KAT6B: variants seen among roughly 807,000 people sequenced by gnomAD.
KAT6B encodes the protein histone acetyltransferase KAT6B.
A neutral mutation model predicts 187.5 loss-of-function variants in KAT6B; 10 were observed. That is an observed-to-expected ratio of 0.05 (90% CI 0.03 to 0.09). The LOEUF (loss-of-function observed/expected upper bound fraction) is 0.09, where lower values mean the gene tolerates loss of function less well. KAT6B is among the 10% of genes least tolerant of loss of function. The probability of loss-of-function intolerance (pLI) is 1.00; values close to 1 mark genes in which losing one functional copy is unlikely to be tolerated. For missense variants in KAT6B, 1,952 were observed against 2,558.9 expected, an observed-to-expected ratio of 0.76 and a Z score of 5.12; for synonymous variants, 861 against 926.8, an observed-to-expected ratio of 0.93 and a Z score of 1.29.
chr10:74,994,773 G>A (rs530189945), intron 13 of KAT6B, among the ~76,000 whole-genome samples: 7 of 150,756 alleles, frequency 4.6e-5, no homozygotes, highest in African/African-American at 1.7e-4. Context: ...CTGCACTCCA[G>A]TCTGGGTGAA....
At chr10:74,910,905 A>T (rs1304906222) in intron 3 of KAT6B, among the ~76,000 whole-genome samples, 1 of 152,040 alleles carries the variant, frequency 6.6e-6, no homozygotes, top group African/African-American at 2.4e-5. Flanking sequence ...AATCTAGTCT[A>T]CCCTTGCCAT....
chr10:74,906,931 C>T (rs992246482), intron 3 of KAT6B, among the ~76,000 whole-genome samples: 1 of 152,194 alleles, frequency 6.6e-6, no homozygotes, highest in African/African-American at 2.4e-5. Context: ...TCCCCACATG[C>T]CAGTGACTGC....
chr10:74,889,994 G>A (rs1272291027), intron 3 of KAT6B, among the ~76,000 whole-genome samples: 1 of 152,090 alleles, frequency 6.6e-6, no homozygotes, highest in Admixed American at 6.5e-5. Flanking sequence ...TGGCCAAGAT[G>A]CCATTTGAGC....
chr10:74,870,553 G>A (rs1018200477), intron 3 of KAT6B, among the ~76,000 whole-genome samples: 7 of 152,056 alleles, frequency 4.6e-5, no homozygotes, highest in Non-Finnish European at 8.8e-5. Context: ...CATTTTGCTT[G>A]TTTAAATATA....
At chr10:74,908,927 TC>T (rs1301855823) in intron 3 of KAT6B, among the ~76,000 whole-genome samples, 2 of 152,240 alleles carry the variant, frequency 1.3e-5, no homozygotes, top group Non-Finnish European at 2.9e-5. Context: ...TGTGAATTGT[TC>T]CGCAGCTTCT....
At chr10:74,872,366 C>T (rs771362395) in intron 3 of KAT6B, among the ~76,000 whole-genome samples, 6 of 152,240 alleles carry the variant, frequency 3.9e-5, no homozygotes, top group Admixed American at 1.3e-4. Flanking sequence ...CTCTTTCAAC[C>T]CTGAGATTCT....
intron 1 of KAT6B, among the ~76,000 whole-genome samples, chr10:74,827,720 G>C (rs1329057895): frequency 6.6e-6 from 1 of 152,104 alleles, no homozygotes; most frequent in Admixed American, 6.5e-5. Context: ...GGGTGGAGCT[G>C]TACAGTAATT....
intron 3 of KAT6B, among the ~76,000 whole-genome samples, chr10:74,854,928 A>G (rs1029552679): frequency 1.3e-5 from 2 of 152,212 alleles, no homozygotes; most frequent in Non-Finnish European, 2.9e-5. Flanking sequence ...TTTCTTCCTC[A>G]GTATTTTTAT....
In KAT6B at chr10:74,960,048, C is replaced by A. The variant is rs757418827; in HGVS notation, c.700C>A (p.Leu234Ile). The A allele has an allele frequency of 1.9e-6, 3 of 1,612,418 alleles. No homozygotes were observed. The highest frequency in any genetic ancestry group is 2.5e-6 in the Non-Finnish European group (3 of 1,178,496). The stretch of plus-strand genomic sequence containing the variant: ...AAATCGTGAAAAGAAACCAGAAGAA[C>A]TCCTCTCTTGTGCAGATTGTGGCAG... ...ESNREKKPEE[L>I]LSCADCGSSG... The change falls in exon 4 of 18, where the codon CTC becomes ATC. Residue 234 changes from leucine to isoleucine, a missense_variant. Leu to Ile is a conservative substitution (Grantham distance 5). Coordinates refer to ENST00000287239, the MANE Select transcript of KAT6B (RefSeq NM_012330.4).
At chr10:74,896,285 TTTTATTTA>T (rs112553309) in intron 3 of KAT6B, among the ~76,000 whole-genome samples, 1 of 152,122 alleles carries the variant, frequency 6.6e-6, no homozygotes, top group Non-Finnish European at 1.5e-5. Flanking sequence ...TACTTTAGTT[TTTTATTTA>T]TTTATTTATT....
chr10:75,024,767 A>G (rs1845689262), intron 16 of KAT6B, among the ~76,000 whole-genome samples, 191 bp from the exon 17 acceptor site: 1 of 152,206 alleles, frequency 6.6e-6, no homozygotes, highest in South Asian at 2.1e-4. Flanking sequence ...TTTATTTGGA[A>G]AACACTTGCC....
intron 3 of KAT6B, among the ~76,000 whole-genome samples, chr10:74,911,483 G>A (rs113177202): frequency 6.6e-6 from 1 of 151,896 alleles, no homozygotes; most frequent in Admixed American, 6.6e-5. Context: ...GGCCAGGCTG[G>A]TCTCAAACTC....
intron 3 of KAT6B, among the ~76,000 whole-genome samples, chr10:74,927,289 A>G (rs560853779): frequency 1.3e-5 from 2 of 152,174 alleles, no homozygotes; most frequent in East Asian, 1.9e-4. Flanking sequence ...TTGACTGGCA[A>G]GGGACTGCCT....
At chr10:74,939,003 T>C (rs1419669401) in intron 3 of KAT6B, among the ~76,000 whole-genome samples, 1 of 151,896 alleles carries the variant, frequency 6.6e-6, no homozygotes, top group Non-Finnish European at 1.5e-5. Flanking sequence ...TCCCAGAGTG[T>C]TGGGATTACA....
At chr10:74,967,417 G>A (rs1484166384) in intron 4 of KAT6B, among the ~76,000 whole-genome samples, 2 of 152,164 alleles carry the variant, frequency 1.3e-5, no homozygotes, top group Non-Finnish European at 2.9e-5. Flanking sequence ...TTGATCAGTA[G>A]CATTGCTTTC....
intron 1 of KAT6B, among the ~76,000 whole-genome samples, chr10:74,832,442 T>G (rs965353711): frequency 2.0e-5 from 3 of 151,672 alleles, no homozygotes; most frequent in African/African-American, 7.3e-5. Flanking sequence ...CTGGGCAACA[T>G]AGGGAGACCC....
intron 3 of KAT6B, among the ~76,000 whole-genome samples, chr10:74,936,957 T>C (rs1849318921): frequency 6.6e-6 from 1 of 152,246 alleles, no homozygotes; most frequent in African/African-American, 2.4e-5. Flanking sequence ...TCATTCCTTT[T>C]GAAGTGTACA....
chr10:74,919,120 G>A (rs926696509), intron 3 of KAT6B, among the ~76,000 whole-genome samples: 1 of 152,062 alleles, frequency 6.6e-6, no homozygotes, highest in Non-Finnish European at 1.5e-5. Context: ...CTACTTGGGA[G>A]GCTAAAGCAG....
chr10:74,917,221 A>T (rs1361363487), intron 3 of KAT6B, among the ~76,000 whole-genome samples: 3 of 152,244 alleles, frequency 2.0e-5, no homozygotes, highest in Non-Finnish European at 4.4e-5. Context: ...AGTTGTCAAA[A>T]TAGGGTAGAG....
Sources: allele counts gnomAD v4.1 joint callset (sites outside exome capture counted in the v4.1 genomes callset), GRCh38; gene constraint gnomAD v4.1.1; transcripts MANE v1.5; gene names NCBI Gene and HGNC (gene_info 2026-07-23, HGNC 2026-07-21).